PTPRG: variants seen among roughly 807,000 people sequenced by gnomAD.
The protein encoded by PTPRG is receptor-type tyrosine-protein phosphatase gamma.
Under a neutral mutation model 165.3 loss-of-function variants are expected in PTPRG, and 102 were observed. The ratio of observed to expected loss-of-function variants is 0.62; its 90% CI spans 0.53 to 0.73. The LOEUF (loss-of-function observed/expected upper bound fraction) is 0.73, where lower values mean the gene tolerates loss of function less well. Ranked by LOEUF, PTPRG falls within the 30% of genes least tolerant of loss-of-function variation. The pLI, the probability that PTPRG is intolerant of heterozygous loss-of-function variation, is 0.00. For synonymous variants in PTPRG, 675 were observed against 669.5 expected, an observed-to-expected ratio of 1.01 and a Z score of -0.13; for missense variants, 1,866 against 1,861.4, an observed-to-expected ratio of 1.00 and a Z score of -0.05.
chr3:61,872,609 A>ATT (rs148887869), intron 2 of PTPRG, among the ~76,000 whole-genome samples: 1 of 150,276 alleles, frequency 6.7e-6, no homozygotes, highest in African/African-American at 2.4e-5. Flanking sequence ...ATTAATCACA[A>ATT]TTTTTTTTTT....
intron 28 of PTPRG, 81 bp downstream of exon 28, chr3:62,282,950 A>C (rs1307592123): frequency 7.3e-7 from 1 of 1,363,606 alleles, no homozygotes. Flanking sequence ...AAAGGAAGCC[A>C]GAATTTTAAA....
chr3:62,000,635 A>T (rs2107716815), intron 3 of PTPRG, among the ~76,000 whole-genome samples: 1 of 152,258 alleles, frequency 6.6e-6, no homozygotes, highest in African/African-American at 2.4e-5. Flanking sequence ...GTAAAATAAA[A>T]GATCTCCTCC....
chr3:61,709,320 A>G (rs368761663), intron 1 of PTPRG, among the ~76,000 whole-genome samples: 75 of 151,704 alleles, frequency 4.9e-4, no homozygotes, highest in African/African-American at 1.6e-3. Flanking sequence ...TATTTTATTT[A>G]TTTATTTTTT....
At chr3:62,200,096 G>T (rs1188122707) in intron 10 of PTPRG, among the ~76,000 whole-genome samples, 1 of 152,148 alleles carries the variant, frequency 6.6e-6, no homozygotes. Context: ...GTTGGGGGAA[G>T]GAAGAAATGG....
At chr3:61,906,705 G>C (rs1198820539) in intron 2 of PTPRG, among the ~76,000 whole-genome samples, 1 of 152,140 alleles carries the variant, frequency 6.6e-6, no homozygotes, top group Non-Finnish European at 1.5e-5. Flanking sequence ...ACATGGGTCT[G>C]GGAGATCAAG....
intron 2 of PTPRG, among the ~76,000 whole-genome samples, chr3:61,868,617 G>A (rs2037475488): frequency 6.6e-6 from 1 of 152,206 alleles, no homozygotes; most frequent in African/African-American, 2.4e-5. Context: ...GTTGGGCAAA[G>A]TGAACACACT....
At chr3:61,881,682 A>C (rs1384131437) in intron 2 of PTPRG, among the ~76,000 whole-genome samples, 1 of 152,210 alleles carries the variant, frequency 6.6e-6, no homozygotes, top group East Asian at 1.9e-4. Context: ...ATACATTTAC[A>C]CAACTTCCTT....
At chr3:61,750,256 C>G (rs896438077) in intron 2 of PTPRG, 1 of 152,180 alleles carries the variant, frequency 6.6e-6, no homozygotes, top group East Asian at 1.9e-4. Flanking sequence ...ATTTTGTACT[C>G]TGTGGCTCTG....
intron 2 of PTPRG, among the ~76,000 whole-genome samples, chr3:61,936,108 G>A (rs1237792450): frequency 6.6e-6 from 1 of 152,132 alleles, no homozygotes; most frequent in Non-Finnish European, 1.5e-5. Flanking sequence ...GCAATACAAG[G>A]CACCATCTTG....
At chr3:61,963,595 A>G (rs1489342750) in intron 2 of PTPRG, among the ~76,000 whole-genome samples, 1 of 152,216 alleles carries the variant, frequency 6.6e-6, no homozygotes, top group East Asian at 1.9e-4. Flanking sequence ...CCACATTAGA[A>G]TTTAAAGACA....
intron 2 of PTPRG, among the ~76,000 whole-genome samples, chr3:61,806,347 T>C (rs2035416917): frequency 6.6e-6 from 1 of 152,146 alleles, no homozygotes; most frequent in Non-Finnish European, 1.5e-5. Flanking sequence ...GTTACACAAG[T>C]GCATGTAGGT....
intron 2 of PTPRG, among the ~76,000 whole-genome samples, chr3:61,905,044 G>A (rs2038607361): frequency 6.6e-6 from 1 of 152,056 alleles, no homozygotes; most frequent in African/African-American, 2.4e-5. Context: ...AGACCTCAAA[G>A]GAGCTGCTTT....
chr3:62,089,554 G>A (rs1701862416), intron 5 of PTPRG, among the ~76,000 whole-genome samples: 2 of 152,146 alleles, frequency 1.3e-5, no homozygotes, highest in South Asian at 4.1e-4. Context: ...ATGTGATATA[G>A]TAAAAGACAC....
chr3:61,731,499 C>T (rs892845740), intron 1 of PTPRG, among the ~76,000 whole-genome samples: 1 of 152,010 alleles, frequency 6.6e-6, no homozygotes, highest in Non-Finnish European at 1.5e-5. Context: ...CAGGCACGCA[C>T]CACCACGCCC....
intron 3 of PTPRG, among the ~76,000 whole-genome samples, chr3:61,997,630 A>C (rs2041072396): frequency 6.6e-6 from 1 of 152,066 alleles, no homozygotes; most frequent in Non-Finnish European, 1.5e-5. Flanking sequence ...TCCCACTAGC[A>C]GGTTTGCTTC....
chr3:61,703,577 TGGCCTTGGGAA>T (rs1442049377), intron 1 of PTPRG, among the ~76,000 whole-genome samples: 4 of 152,206 alleles, frequency 2.6e-5, no homozygotes, highest in Non-Finnish European at 5.9e-5. Context: ...ACTGGCTGTA[TGGCCTTGGGAA>T]GGCCACTTAG....
chr3:61,880,438 G>C (rs1374568127), intron 2 of PTPRG, among the ~76,000 whole-genome samples: 3 of 152,024 alleles, frequency 2.0e-5, no homozygotes, highest in South Asian at 2.1e-4. Context: ...TGGCCAACAG[G>C]GTGAAACCCC....
intron 2 of PTPRG, among the ~76,000 whole-genome samples, chr3:61,908,968 C>T (rs2038729916): frequency 6.6e-6 from 1 of 151,990 alleles, no homozygotes. Context: ...CTTGCCCTTT[C>T]ACTAGATATG....
At chr3:61,809,911 G>T (rs1458246158) in intron 2 of PTPRG, among the ~76,000 whole-genome samples, 2 of 152,178 alleles carry the variant, frequency 1.3e-5, no homozygotes, top group Non-Finnish European at 2.9e-5. Context: ...CCCAGCTCCT[G>T]TATCAGGGAG....
Sources: gnomAD v4.1 joint callset for allele counts (sites outside exome capture counted in the v4.1 genomes callset) on GRCh38, gnomAD v4.1.1 for gene constraint, MANE v1.5 for transcripts, NCBI Gene and HGNC (gene_info 2026-07-23, HGNC 2026-07-21) for gene names.